The following DPP6 variants were observed in gnomAD, a reference collection of about 807,000 sequenced individuals.
DPP6 encodes the protein A-type potassium channel modulatory protein DPP6.
In DPP6, 69 loss-of-function variants were observed where a neutral mutation model predicts 122.6. That is an observed-to-expected ratio of 0.56 (90% confidence interval 0.46 to 0.69). The LOEUF (loss-of-function observed/expected upper bound fraction) is 0.69. Among genes scored for constraint, DPP6 ranks in the 30% least tolerant of loss-of-function variants. The pLI is 0.00. For synonymous variants in DPP6, 418 were observed against 433.1 expected (o/e 0.97, Z 0.43); for missense variants, 928 against 1,116.9 (o/e 0.83, Z 2.41).
chr7:153,868,426 A>G, the DPP6 span, among the ~76,000 whole-genome samples: 2 of 152,074 alleles, frequency 1.3e-5, no homozygotes, highest in South Asian at 2.1e-4. Context: ...TAGATTTTCT[A>G]GTTTATTTGC....
chr7:154,270,729 C>T (rs1271561101), intron 1 of DPP6, among the ~76,000 whole-genome samples: 1 of 152,154 alleles, frequency 6.6e-6, no homozygotes, highest in Non-Finnish European at 1.5e-5. Flanking sequence ...GTAGCTCCTG[C>T]AGAACAGGGG....
chr7:154,334,850 T>C (rs1809263366), intron 1 of DPP6, among the ~76,000 whole-genome samples: 1 of 152,014 alleles, frequency 6.6e-6, no homozygotes, highest in Non-Finnish European at 1.5e-5. Context: ...GAGCCAAGAT[T>C]GTACCACTGC....
At chr7:154,681,649 C>T (rs1240854964) in intron 7 of DPP6, among the ~76,000 whole-genome samples, 1 of 152,126 alleles carries the variant, frequency 6.6e-6, no homozygotes, top group African/African-American at 2.4e-5. Flanking sequence ...TGCACCTAAT[C>T]GGGTTCTGTA....
At chr7:154,077,862 G>A (rs1415354636) in intron 1 of DPP6, among the ~76,000 whole-genome samples, 2 of 151,730 alleles carry the variant, frequency 1.3e-5, no homozygotes, top group Non-Finnish European at 2.9e-5. Context: ...GTAGAGATGG[G>A]GTTTCACCTT....
At chr7:154,296,076 C>T (rs1373481894) in intron 1 of DPP6, among the ~76,000 whole-genome samples, 1 of 151,676 alleles carries the variant, frequency 6.6e-6, no homozygotes, top group Non-Finnish European at 1.5e-5. Flanking sequence ...TCCCGAGCAG[C>T]TGAGACTACA....
the DPP6 span, among the ~76,000 whole-genome samples, chr7:153,765,748 AC>A: frequency 6.6e-6 from 1 of 152,232 alleles, no homozygotes; most frequent in Non-Finnish European, 1.5e-5. Flanking sequence ...CCTAAAAAAC[AC>A]ATGTCGCCTC....
chr7:154,499,828 A>G (rs951168585), intron 3 of DPP6, among the ~76,000 whole-genome samples: 1 of 152,068 alleles, frequency 6.6e-6, no homozygotes, highest in African/African-American at 2.4e-5. Context: ...AAAGACAACC[A>G]GGTTTCATGA....
the DPP6 span, among the ~76,000 whole-genome samples, chr7:153,827,067 G>GA: frequency 2.0e-5 from 3 of 149,614 alleles, no homozygotes; most frequent in Non-Finnish European, 3.0e-5. Context: ...TGTTTGAAAA[G>GA]AAAAAAAAAT....
rs759942061 is a variant in DPP6, at chr7:154,241,688, C to T, written c.243+188625C>T. Among the ~76,000 whole-genome samples, 35 of 152,202 alleles carry T rather than the reference C, an allele frequency of 2.3e-4. No homozygotes were observed. The East Asian group carries it at 2.3e-3, about 10-fold the overall frequency. ...CTTTCTGACTCAATATCATACAAAC[C>T]GGCACTTATCACATCTTGAAATTTC... On this transcript the variant is annotated intron_variant, in intron 1 of 25. Transcript: ENST00000377770. This position sits in a 1 kb window ranked among gnomAD's most constrained non-coding sequence, Gnocchi z 9.0.
chr7:154,099,459 A>G (rs2150566427), intron 1 of DPP6, among the ~76,000 whole-genome samples: 1 of 152,222 alleles, frequency 6.6e-6, no homozygotes, highest in East Asian at 1.9e-4. Context: ...AAAATCAGGG[A>G]ATGAATATAG....
chr7:154,534,218 A>G (rs1828062313), intron 3 of DPP6, among the ~76,000 whole-genome samples: 1 of 152,144 alleles, frequency 6.6e-6, no homozygotes, highest in East Asian at 1.9e-4. Flanking sequence ...CATCCTAAGA[A>G]TAGAAGGGAA....
chr7:154,396,896 G>C (rs1815136373), intron 1 of DPP6, among the ~76,000 whole-genome samples: 1 of 152,182 alleles, frequency 6.6e-6, no homozygotes, highest in Admixed American at 6.5e-5. Context: ...AGTGAGCTGG[G>C]ATCGCGCCAC....
rs547375980 is a variant in DPP6, at chr7:154,449,140, G to A, written c.358+2812G>A. Among the ~76,000 whole-genome samples the A allele has an allele frequency of 3.3e-5, 5 of 151,982 alleles. No homozygotes were observed. The South Asian group carries it at 6.2e-4, about 19-fold the overall frequency. On this transcript the variant is annotated intron_variant, in intron 2 of 25. Coordinates refer to ENST00000377770, the MANE Select transcript of DPP6 (RefSeq NM_130797.4). ...CAAGAAAGTGAAAAGACAACCCACC[G>A]AATGGGAGAAAATATTTGCAAATCA...
In DPP6 at chr7:154,117,543, C is replaced by G. The variant is rs1197518451; in HGVS notation, c.243+64480C>G. Among the ~76,000 whole-genome samples the G allele has an allele frequency of 9.8e-5, 15 of 152,314 alleles. No homozygotes were observed. In the East Asian group the frequency reaches 2.9e-3, roughly 29 times the overall value. Reference sequence around the variant, plus strand: ...CTGACAATGCGATGCAGATTTCTTTCTCTCCCCACTCTATCTTCTCTTGCA... The same window carrying G: ...CTGACAATGCGATGCAGATTTCTTTGTCTCCCCACTCTATCTTCTCTTGCA... On this transcript the variant is annotated intron_variant, in intron 1 of 25. Transcript: ENST00000377770.
intron 1 of DPP6, among the ~76,000 whole-genome samples, chr7:154,328,420 G>T (rs1390006918): frequency 1.3e-5 from 2 of 152,194 alleles, no homozygotes; most frequent in African/African-American, 4.8e-5. Context: ...TTACAGAAGT[G>T]TTGTTTTGAA....
chr7:154,619,232 C>T (rs1177842172), intron 5 of DPP6, among the ~76,000 whole-genome samples: 1 of 152,160 alleles, frequency 6.6e-6, no homozygotes, highest in African/African-American at 2.4e-5. Flanking sequence ...CATCGATTGG[C>T]ACAGCATAGG....
chr7:154,237,678 T>C (rs552322006), intron 1 of DPP6, among the ~76,000 whole-genome samples: 184 of 152,320 alleles, frequency 1.2e-3, no homozygotes, highest in African/African-American at 4.2e-3. Context: ...CTTCTCCTCC[T>C]TCCAGCTCCT....
intron 3 of DPP6, among the ~76,000 whole-genome samples, chr7:154,493,809 G>A (rs1430185562): frequency 1.3e-5 from 2 of 152,142 alleles, no homozygotes; most frequent in South Asian, 2.1e-4. Context: ...CTCTGTATAC[G>A]GATGCAGGCA....
At chr7:153,797,679 G>T in the DPP6 span, among the ~76,000 whole-genome samples, 43 of 152,130 alleles carry the variant, frequency 2.8e-4, no homozygotes, top group African/African-American at 5.8e-4. Context: ...TTCAACAGCA[G>T]TCATTTTTTT....
Sources: gnomAD v4.1 joint callset for allele counts (sites outside exome capture counted in the v4.1 genomes callset) on GRCh38, gnomAD v4.1.1 for gene constraint, Gnocchi (gnomAD v3.1) non-coding constraint, MANE v1.5 for transcripts, NCBI Gene and HGNC (gene_info 2026-07-23, HGNC 2026-07-21) for gene names.